RNF13: variants seen among roughly 807,000 people sequenced by gnomAD.
RNF13 encodes the protein ring finger protein 13.
In RNF13, 19 loss-of-function variants were observed where a neutral mutation model predicts 37.7. The observed-to-expected ratio is 0.50, with a 90% CI of 0.35 to 0.74. The LOEUF (loss-of-function observed/expected upper bound fraction) is 0.74. Ranked by LOEUF, RNF13 falls within the 30% of genes least tolerant of loss-of-function variation. The pLI is 0.01. For synonymous variants in RNF13, 144 were observed against 157.8 expected (o/e 0.91, Z 0.65); for missense variants, 375 against 453.0 (o/e 0.83, Z 1.56).
At chr3:149,926,947 G>A (rs543221954) in intron 8 of RNF13, among the ~76,000 whole-genome samples, 31 of 152,122 alleles carry the variant, frequency 2.0e-4, no homozygotes, top group Non-Finnish European at 3.8e-4. Context: ...AAATCGAATT[G>A]TCAAGGCCAC....
chr3:149,849,662 C>G (rs1722956228), intron 2 of RNF13, among the ~76,000 whole-genome samples: 1 of 152,112 alleles, frequency 6.6e-6, no homozygotes, highest in South Asian at 2.1e-4. Flanking sequence ...TCTAATTTAC[C>G]AGAGCTTGTT....
intron 7 of RNF13, 23 bp from the exon 8 acceptor site, chr3:149,921,111 T>G: frequency 2.8e-6 from 3 of 1,062,240 alleles, no homozygotes; most frequent in Non-Finnish European, 3.9e-6. Flanking sequence ...ATCTGACTCC[T>G]TTTTTTACTC....
chr3:149,850,488 C>T (rs1348712449), intron 2 of RNF13, among the ~76,000 whole-genome samples: 2 of 152,168 alleles, frequency 1.3e-5, no homozygotes. Context: ...AAAAGGGTTT[C>T]ATTCAGTAAC....
At chr3:149,834,513 C>A (rs1453539525) in intron 1 of RNF13, among the ~76,000 whole-genome samples, 1 of 152,214 alleles carries the variant, frequency 6.6e-6, no homozygotes, top group African/African-American at 2.4e-5. Context: ...CACCAAGTCT[C>A]ATATTGATAT....
At chr3:149,818,963 A>C (rs1008395669) in intron 1 of RNF13, among the ~76,000 whole-genome samples, 3 of 152,166 alleles carry the variant, frequency 2.0e-5, no homozygotes, top group African/African-American at 7.2e-5. Context: ...CTTATCTATG[A>C]GGTTGGAATA....
rs545009404 is a variant in RNF13, at chr3:149,862,993, T to G, written c.196-9036T>G. ...ATAAATGAATGAGTAATCGTCACCT[T>G]TGAAATTAACAGAATAACTAATGGC... is the stretch of plus-strand genomic sequence containing the variant. On this transcript the variant is annotated intron_variant, in intron 3 of 9. Transcript: ENST00000392894. Among the ~76,000 whole-genome samples, 66 of 152,352 alleles carry G rather than the reference T, an allele frequency of 4.3e-4. 1 individual carries two copies. The South Asian group carries it at 0.012, about 29-fold the overall frequency.
At position 149,890,630 on chromosome 3, in the gene RNF13, A is replaced by G. The variant is rs1407634370; in HGVS notation, c.322-4843A>G. 4.6e-5 allele frequency among the ~76,000 whole-genome samples: 7 copies of G among 152,244 alleles called. No individual in the cohort carries two copies. In the South Asian group the frequency reaches 6.2e-4, roughly 13 times the overall value. ...AGTAGGATTTGAGCCCAGGTCGTCT[A>G]GTTCCCAGAGTCTGTACTTTTAACT... is the stretch of plus-strand genomic sequence containing the variant. On this transcript the variant is annotated intron_variant, in intron 4 of 9. Transcript: ENST00000392894.
At chr3:149,871,573 T>C (rs1015891556) in intron 3 of RNF13, among the ~76,000 whole-genome samples, 16 of 151,900 alleles carry the variant, frequency 1.1e-4, no homozygotes, top group Admixed American at 3.9e-4. Context: ...TTAAAAATAA[T>C]GTACCAATGA....
intron 3 of RNF13, among the ~76,000 whole-genome samples, chr3:149,856,500 G>A (rs1723666169): frequency 6.7e-6 from 1 of 148,902 alleles, no homozygotes; most frequent in African/African-American, 2.5e-5. Flanking sequence ...CTGGAGTGCA[G>A]TGGCATGATC....
At chr3:149,908,549 T>TG (rs1486335136) in intron 6 of RNF13, among the ~76,000 whole-genome samples, 2 of 152,134 alleles carry the variant, frequency 1.3e-5, no homozygotes, top group African/African-American at 4.8e-5. Flanking sequence ...TGGCAGTAAA[T>TG]GGGGACACAG....
At chr3:149,920,343 C>G (rs1717988168) in intron 7 of RNF13, among the ~76,000 whole-genome samples, 1 of 152,112 alleles carries the variant, frequency 6.6e-6, no homozygotes, top group Admixed American at 6.6e-5. Context: ...TCAAATGATT[C>G]TCACACTTCA....
chr3:149,911,467 G>A (rs548879822), intron 6 of RNF13, among the ~76,000 whole-genome samples: 2 of 152,032 alleles, frequency 1.3e-5, no homozygotes, highest in Non-Finnish European at 2.9e-5. Flanking sequence ...AGACCACCCT[G>A]GCCAACATGG....
intron 5 of RNF13, among the ~76,000 whole-genome samples, chr3:149,898,463 A>C (rs1461350802): frequency 1.3e-5 from 2 of 152,148 alleles, no homozygotes; most frequent in East Asian, 3.9e-4. Context: ...TTAAGAGAGT[A>C]CTTTCCGGGT....
intron 1 of RNF13, among the ~76,000 whole-genome samples, chr3:149,833,893 A>G (rs1385341035): frequency 1.3e-5 from 2 of 152,228 alleles, no homozygotes; most frequent in Non-Finnish European, 2.9e-5. Flanking sequence ...AATATCTGAT[A>G]GAACTATTAA....
intron 4 of RNF13, among the ~76,000 whole-genome samples, chr3:149,889,389 C>A (rs950253356): frequency 6.7e-6 from 1 of 149,752 alleles, no homozygotes; most frequent in African/African-American, 2.5e-5. Context: ...ACTGCAACCT[C>A]CACCTCCTGG....
intron 4 of RNF13, among the ~76,000 whole-genome samples, chr3:149,892,923 A>G (rs1266939542): frequency 1.3e-5 from 2 of 152,206 alleles, no homozygotes; most frequent in Non-Finnish European, 2.9e-5. Flanking sequence ...AGCAGGGAGC[A>G]ATTAATATAG....
intron 1 of RNF13, among the ~76,000 whole-genome samples, chr3:149,822,837 G>A (rs772537360): frequency 3.3e-5 from 5 of 151,992 alleles, no homozygotes; most frequent in Non-Finnish European, 7.4e-5. Context: ...CATATTTATC[G>A]CAGAGTCTGG....
chr3:149,850,991 A>G (rs986585894), intron 2 of RNF13, among the ~76,000 whole-genome samples: 1 of 152,242 alleles, frequency 6.6e-6, no homozygotes, highest in African/African-American at 2.4e-5. Flanking sequence ...GCCTCCAAGT[A>G]CACTGCTAGG....
intron 1 of RNF13, among the ~76,000 whole-genome samples, chr3:149,821,057 A>G (rs944934747): frequency 1.3e-5 from 2 of 152,102 alleles, no homozygotes; most frequent in African/African-American, 2.4e-5. Context: ...CAGTTTGTTT[A>G]TCCATTTATC....
Sources: gnomAD v4.1 joint callset for allele counts (sites outside exome capture counted in the v4.1 genomes callset) on GRCh38, gnomAD v4.1.1 for gene constraint, MANE v1.5 for transcripts, NCBI Gene and HGNC (gene_info 2026-07-23, HGNC 2026-07-21) for gene names.